NDUFAF6: variants seen among roughly 807,000 people sequenced by gnomAD.
NDUFAF6 encodes the protein NADH:ubiquinone oxidoreductase complex assembly factor 6.
In NDUFAF6, 45 loss-of-function variants were observed where a neutral mutation model predicts 40.8. That is an observed-to-expected ratio of 1.10 (90% CI 0.87 to 1.42). The LOEUF (loss-of-function observed/expected upper bound fraction) is 1.42. Ranked by LOEUF, NDUFAF6 falls within the 40% of genes most tolerant of loss-of-function variation. NDUFAF6 has a pLI of 0.00. For missense variants in NDUFAF6, 435 were observed against 418.5 expected (o/e 1.04, Z -0.34); for synonymous variants, 185 against 155.9 (o/e 1.19, Z -1.39).
chr8:95,088,118 TGCACTGCAGCTGCTGTGATGCTTGAG>T (rs1452435348), intron 2 of NDUFAF6, among the ~76,000 whole-genome samples: 1 of 152,222 alleles, frequency 6.6e-6, no homozygotes, highest in African/African-American at 2.4e-5. Flanking sequence ...GCCAGGTGCC[TGCACTGCAGCTGCTGTGATGCTTGAG>T]GCACTGCCTG....
At chr8:94,917,562 A>G (rs1392916524) in intron 1 of NDUFAF6, among the ~76,000 whole-genome samples, 1 of 152,106 alleles carries the variant, frequency 6.6e-6, no homozygotes, top group Non-Finnish European at 1.5e-5. Context: ...TGTATTGGCA[A>G]TGGCATCCCC....
At chr8:94,941,760 CTGTG>C (rs890995979) in intron 1 of NDUFAF6, among the ~76,000 whole-genome samples, 4 of 152,164 alleles carry the variant, frequency 2.6e-5, no homozygotes, top group African/African-American at 7.2e-5. Context: ...TGCTCACTTG[CTGTG>C]TGAGTTAGGA....
chr8:95,046,097 T>C (rs982703517), intron 5 of NDUFAF6, among the ~76,000 whole-genome samples: 6 of 152,058 alleles, frequency 3.9e-5, no homozygotes, highest in Admixed American at 3.9e-4. Context: ...AGTCTCGCTT[T>C]GTCCCCAGGC....
chr8:95,017,772 G>GT (rs968699238), intron 2 of NDUFAF6, among the ~76,000 whole-genome samples: 12 of 151,870 alleles, frequency 7.9e-5, no homozygotes, highest in South Asian at 2.1e-4. Flanking sequence ...TTTACTGTGG[G>GT]TTTTTTTTGT....
chr8:95,058,564 G>A lies in NDUFAF6; in HGVS notation c.*627G>A. ...ATTTGACTTTAGCTCTGGCTGGTCT[G>A]GAAGCTTTTACTTTTTTGTTAATCC... On this transcript the variant is annotated 3_prime_UTR_variant, in exon 9 of 9. Coordinates refer to ENST00000396124, the MANE Select transcript of NDUFAF6 (RefSeq NM_152416.4). The A allele has an allele frequency of 2.5e-6, 3 of 1,212,116 alleles. No individual in the cohort carries two copies. The highest frequency in any genetic ancestry group is 8.7e-5 in the Admixed American group (2 of 23,090). 75.1% of individuals were successfully genotyped at this position (1,212,116 alleles called of 1,614,324 possible).
intron 1 of NDUFAF6, among the ~76,000 whole-genome samples, chr8:94,973,083 G>A (rs998627899): frequency 6.6e-6 from 1 of 151,600 alleles, no homozygotes; most frequent in Non-Finnish European, 1.5e-5. Flanking sequence ...TCTCTAACTA[G>A]CTAAATTAAT....
chr8:95,057,988 T>C lies in NDUFAF6; in HGVS notation c.*51T>C. 1.3e-6 allele frequency: 2 copies of C among 1,521,950 alleles called. No homozygotes were observed. The highest frequency in any genetic ancestry group is 1.8e-6 in the Non-Finnish European group (2 of 1,113,772). 94.3% of individuals were successfully genotyped at this position (1,521,950 alleles called of 1,614,324 possible). ...TTCTAGTCTATTAGTTTTATAAAAG[T>C]TAGGATTCTTATTTAGGAACAACAG... On this transcript the variant is annotated 3_prime_UTR_variant, in exon 9 of 9. Coordinates refer to ENST00000396124, the MANE Select transcript of NDUFAF6 (RefSeq NM_152416.4).
chr8:94,997,289 GACACACACAC>G (rs57953301), intron 2 of NDUFAF6, among the ~76,000 whole-genome samples: 1,228 of 94,692 alleles, frequency 0.013, 32 homozygotes, highest in African/African-American at 0.041. Context: ...CAAGAAGAAA[GACACACACAC>G]ACACACACAC....
At chr8:95,112,341 G>A (rs770847405) in intron 4 of NDUFAF6, among the ~76,000 whole-genome samples, 1 of 152,150 alleles carries the variant, frequency 6.6e-6, no homozygotes, top group African/African-American at 2.4e-5. Context: ...TTTAGGGTGG[G>A]CCCTAATCTA....
rs535780838 is a variant in NDUFAF6 at position 94,981,843 on chromosome 8, G to A, written c.-84+870G>A. ...AATGACATTTTGGTCAATGATGGGCGCTTGAGCCCAGGAGGTCAAGGCTGC... is the reference window on the plus strand; with the variant it reads ...AATGACATTTTGGTCAATGATGGGCACTTGAGCCCAGGAGGTCAAGGCTGC... On this transcript the variant is annotated intron_variant, in intron 2 of 9. Coordinates refer to the NDUFAF6 transcript ENST00000396111. Among the ~76,000 whole-genome samples the A allele has an allele frequency of 5.9e-5, 9 of 151,670 alleles. No homozygotes were observed. The South Asian group carries it at 6.2e-4, about 11-fold the overall frequency.
intron 2 of NDUFAF6, among the ~76,000 whole-genome samples, chr8:95,002,760 T>C (rs1163242926): frequency 6.6e-6 from 1 of 152,180 alleles, no homozygotes; most frequent in African/African-American, 2.4e-5. Flanking sequence ...ACAACACATG[T>C]ATTTGTCGAG....
intron 1 of NDUFAF6, among the ~76,000 whole-genome samples, chr8:94,962,609 GTTTTTTGT>G (rs1252657523): frequency 4.4e-5 from 2 of 45,812 alleles, no homozygotes; most frequent in Non-Finnish European, 9.6e-5. Flanking sequence ...TCTGTTTTTT[GTTTTTTGT>G]TTTTTTTTTT....
At chr8:95,019,975 G>C (rs577537534) in intron 2 of NDUFAF6, among the ~76,000 whole-genome samples, 1 of 152,316 alleles carries the variant, frequency 6.6e-6, no homozygotes, top group South Asian at 2.1e-4. Context: ...GAGGCAGGCA[G>C]ATCGCCTGAG....
intron 8 of NDUFAF6, among the ~76,000 whole-genome samples, chr8:95,054,246 C>G (rs569387101): frequency 6.6e-6 from 1 of 151,884 alleles, no homozygotes; most frequent in East Asian, 1.9e-4. Context: ...CGTGCCCAGC[C>G]CCCTTTAGTT....
At chr8:95,051,072 G>T (rs1831376370) in intron 7 of NDUFAF6, among the ~76,000 whole-genome samples, 2 of 152,264 alleles carry the variant, frequency 1.3e-5, no homozygotes. Flanking sequence ...TTAAAAAAAT[G>T]CAGGATTGTG....
chr8:94,949,622 C>G (rs1428893663), intron 2 of NDUFAF6, among the ~76,000 whole-genome samples: 1 of 151,938 alleles, frequency 6.6e-6, no homozygotes, highest in African/African-American at 2.4e-5. Flanking sequence ...GGGGCTAGGC[C>G]GGGGAGGGAA....
chr8:95,103,998 C>T (rs941469756), downstream of NDUFAF6, among the ~76,000 whole-genome samples: 7 of 152,142 alleles, frequency 4.6e-5, no homozygotes, highest in African/African-American at 1.7e-4. Context: ...GTTCCAACCA[C>T]TGCTTCTTCG....
intron 2 of NDUFAF6, among the ~76,000 whole-genome samples, chr8:94,995,122 C>G (rs1403836495): frequency 6.6e-6 from 1 of 152,156 alleles, no homozygotes; most frequent in East Asian, 1.9e-4. Context: ...TCTGTACATA[C>G]AGTGGAATAT....
intron 9 of NDUFAF6, among the ~76,000 whole-genome samples, chr8:95,065,034 G>T (rs1452877751): frequency 6.6e-6 from 1 of 152,142 alleles, no homozygotes; most frequent in Non-Finnish European, 1.5e-5. Flanking sequence ...CTCCCAGGGA[G>T]GGCATGAAAG....
Sources: allele counts gnomAD v4.1 joint callset (sites outside exome capture counted in the v4.1 genomes callset), GRCh38; gene constraint gnomAD v4.1.1; transcripts MANE v1.5; gene names NCBI Gene and HGNC (gene_info 2026-07-23, HGNC 2026-07-21).